Variants in SETD4 observed in about 807,000 individuals in gnomAD.
The protein encoded by SETD4 is SET domain containing 4.
SETD4 carries 46 observed loss-of-function variants against 58.3 expected under a neutral mutation model. The ratio of observed to expected loss-of-function variants is 0.79; its 90% CI spans 0.62 to 1.01. SETD4 has a LOEUF of 1.01. Ranked by LOEUF, SETD4 falls within the 50% of genes least tolerant of loss-of-function variation. The pLI is 0.00. For synonymous variants in SETD4, 190 were observed against 202.6 expected, an observed-to-expected ratio of 0.94 and a Z score of 0.53; for missense variants, 490 against 523.3, an observed-to-expected ratio of 0.94 and a Z score of 0.62.
intron 9 of SETD4, among the ~76,000 whole-genome samples, chr21:36,038,576 C>T (rs1443240422): frequency 6.6e-6 from 1 of 152,118 alleles, no homozygotes; most frequent in Non-Finnish European, 1.5e-5. Flanking sequence ...AATGAAGTCC[C>T]GTTCCCGGCC....
At chr21:36,057,974 G>C (rs1479155604) in intron 2 of SETD4, among the ~76,000 whole-genome samples, 1 of 152,170 alleles carries the variant, frequency 6.6e-6, no homozygotes, top group Admixed American at 6.5e-5. Flanking sequence ...AAGCACTTTT[G>C]TATTGAACAA....
At position 36,043,956 on chromosome 21, in the gene SETD4, C is replaced by T. The variant is rs916562624; in HGVS notation, c.727G>A (p.Val243Ile). Residue 243 changes from valine to isoleucine, a missense_variant and splice_region_variant, in exon 7 of 12, where the codon GTA (valine) becomes ATA (isoleucine). Physicochemically the swap from Val to Ile is conservative, Grantham distance 29 (BLOSUM62 3). Coordinates refer to ENST00000332131, the MANE Select transcript of SETD4 (RefSeq NM_017438.5). ...DLLNHSPHVQ[V>I]KAAFNEETHS... is the part of the protein sequence containing the mutation. ...GTTTCTTCATTAAACGCTGCTTTTA[C>T]CTAGAAAGAAAAACTGTTAAGGTAT... The T allele has an allele frequency of 6.2e-7, 1 of 1,613,496 alleles. No homozygotes were observed. Among genetic ancestry groups the T allele is most frequent in the African/African-American group, 1.3e-5 (1 of 74,972 alleles).
rs375733735 is a variant in SETD4 at position 36,052,592 on chromosome 21, G to GA, written c.207+990dup. Among the ~76,000 whole-genome samples the GA allele has an allele frequency of 4.2e-3, 586 of 139,804 alleles. 23 individuals carry two copies. The East Asian group carries it at 0.1, about 24-fold the overall frequency. The allele number at this position is 139,804 out of a possible 152,430, so 91.7% of individuals were successfully genotyped here. A position where few individuals can be genotyped will look rare whatever the true frequency, so the allele number is the denominator to read the frequency against. On this transcript the variant is annotated intron_variant, in intron 4 of 11. Coordinates refer to ENST00000332131, the MANE Select transcript of SETD4 (RefSeq NM_017438.5). Reference sequence around the variant, plus strand: ...AAAAAAAAAGGACGTTTTATCTACTGAAAAAAAAAAGATACCATTCCTTAG... The same window carrying GA: ...AAAAAAAAAGGACGTTTTATCTACTGAAAAAAAAAAAGATACCATTCCTTAG...
chr21:36,035,465 G>C lies in SETD4; in HGVS notation c.*528C>G, dbSNP rs182958152. 2 of 152,620 alleles carry C rather than the reference G, an allele frequency of 1.3e-5. No individual in the cohort carries two copies. The highest frequency in any genetic ancestry group is 3.9e-4 in the East Asian group (2 of 5,188). 9.5% of individuals were successfully genotyped at this position (152,620 alleles called of 1,614,324 possible). A position where few individuals can be genotyped will look rare whatever the true frequency, so the allele number is the denominator to read the frequency against. ...AATAATTAGACAAGCGCCACCTTGAGAGGCCAGGAGCATGCTTAGAGGACA... is the reference window on the plus strand; with the variant it reads ...AATAATTAGACAAGCGCCACCTTGACAGGCCAGGAGCATGCTTAGAGGACA... On this transcript the variant is annotated 3_prime_UTR_variant, in exon 12 of 12. Transcript: ENST00000332131.
chr21:36,059,724 T>G, intron 1 of SETD4: 1 of 976,794 alleles, frequency 1.0e-6, no homozygotes, highest in Non-Finnish European at 1.2e-6. Context: ...AAAAAATAAA[T>G]CTACTTCTAA....
rs769820020 is a variant in SETD4 at position 36,045,895 on chromosome 21, G to C, written c.413C>G (p.Thr138Ser). The C allele has an allele frequency of 6.2e-7, 1 of 1,614,210 alleles. No individual in the cohort carries two copies. The highest frequency in any genetic ancestry group is 2.2e-5 in the East Asian group (1 of 44,884). ...PYLEILPKAY[T>S]CPVCLEPEVV... ...TTCCGGCTCCAAACAAACAGGGCAG[G>C]TATACGCCTTGGGTAAAATCTCCAG... is the stretch of plus-strand genomic sequence containing the variant. Residue 138 changes from threonine to serine, a missense_variant, in exon 6 of 12, where the codon ACC becomes AGC. Coordinates refer to ENST00000332131, the MANE Select transcript of SETD4 (RefSeq NM_017438.5).
chr21:36,036,201 C>A lies in SETD4; in HGVS notation c.1239G>T (p.Leu413Phe). 6.2e-7 allele frequency: 1 copy of A among 1,613,516 alleles called. No individual in the cohort carries two copies. Among genetic ancestry groups the A allele is most frequent in the Non-Finnish European group, 8.5e-7 (1 of 1,179,872 alleles). Residue 413 changes from leucine (L) to phenylalanine (F), a missense_variant, in exon 11 of 12, where the codon TTG (leucine) becomes TTT (phenylalanine). Transcript: ENST00000332131. ...GCTCTTCCGTCCACAAGGATTCCAC[C>A]AAAGTTAGTTGGTTTATCAGGGCCT... ...EKEALINQLTLVESLWTEELK... is the reference protein window; with the variant it reads ...EKEALINQLTFVESLWTEELK...
At chr21:36,053,316 C>T (rs1379640982) in intron 4 of SETD4, 2 of 521,880 alleles carry the variant, frequency 3.8e-6, no homozygotes, top group Non-Finnish European at 3.4e-6. Flanking sequence ...ATGGGACTGC[C>T]CCACCAGCCA....
chr21:36,043,213 ATTACACC>A, intron 7 of SETD4: 1 of 155,398 alleles, frequency 6.4e-6, no homozygotes, highest in Non-Finnish European at 1.4e-5. Context: ...ACGAGCCAAG[ATTACACC>A]ACTGCACTCC....
Position 36,059,776 on chromosome 21 carries a change from G to A in SETD4, c.-37+571C>T, listed in dbSNP as rs867317156. The stretch of plus-strand genomic sequence containing the variant: ...AATGAGCAAGAGACAAGAACTCCAG[G>A]CAATATTAATACCGCACTTCCGCAG... On this transcript the variant is annotated intron_variant, in intron 1 of 11. Coordinates refer to ENST00000332131, the MANE Select transcript of SETD4 (RefSeq NM_017438.5). The A allele has an allele frequency of 6.7e-5, 66 of 985,388 alleles. No individual in the cohort carries two copies. The Middle Eastern group carries it at 4.2e-3, about 62-fold the overall frequency. 61.0% of individuals were successfully genotyped at this position (985,388 alleles called of 1,614,324 possible).
chr21:36,045,401 G>A (rs1490839304), intron 6 of SETD4, among the ~76,000 whole-genome samples, 181 bp downstream of exon 6: 3 of 152,212 alleles, frequency 2.0e-5, no homozygotes, highest in Non-Finnish European at 4.4e-5. Flanking sequence ...AAGCACTGCG[G>A]GAGGGATAGT....
chr21:36,053,058 C>G (rs573042863), intron 4 of SETD4: 1 of 153,746 alleles, frequency 6.5e-6, no homozygotes, highest in East Asian at 1.9e-4. Flanking sequence ...TAACGGAATC[C>G]TACTTAGAGG....
intron 4 of SETD4, among the ~76,000 whole-genome samples, chr21:36,052,459 G>A (rs1162883027): frequency 6.7e-6 from 1 of 150,306 alleles, no homozygotes; most frequent in Non-Finnish European, 1.5e-5. Context: ...TCAGGAGGCT[G>A]AGGCAAAAGA....
intron 5 of SETD4, among the ~76,000 whole-genome samples, chr21:36,046,328 T>C (rs1361730252): frequency 6.6e-6 from 1 of 152,212 alleles, no homozygotes; most frequent in Non-Finnish European, 1.5e-5. Context: ...TCTCCAGTTG[T>C]AAACCTTTTG....
chr21:36,049,217 G>A (rs533680594), intron 4 of SETD4, among the ~76,000 whole-genome samples: 1 of 152,212 alleles, frequency 6.6e-6, no homozygotes, highest in African/African-American at 2.4e-5. Context: ...GAAGCCAGAT[G>A]TAAGACTCTC....
intron 10 of SETD4, chr21:36,036,693 A>C: frequency 2.2e-6 from 2 of 905,514 alleles, no homozygotes; most frequent in Non-Finnish European, 1.3e-6. Flanking sequence ...AAATAAACAC[A>C]TCAATGAGAA....
chr21:36,055,440 G>A (rs2064941538), intron 3 of SETD4, among the ~76,000 whole-genome samples: 1 of 152,156 alleles, frequency 6.6e-6, no homozygotes, highest in African/African-American at 2.4e-5. Flanking sequence ...CTACATGGGA[G>A]GCCCTGACCT....
intron 3 of SETD4, 38 bp downstream of exon 3, chr21:36,057,071 T>C (rs767562406): frequency 1.3e-6 from 2 of 1,543,070 alleles, no homozygotes; most frequent in South Asian, 2.2e-5. Flanking sequence ...CTGGCTCTCG[T>C]GTGGGAAAGG....
intron 4 of SETD4, chr21:36,051,239 TG>T: frequency 3.7e-6 from 6 of 1,605,504 alleles, no homozygotes; most frequent in Non-Finnish European, 5.1e-6. Flanking sequence ...GCACTGCTGT[TG>T]ACAACATAAG....
Sources: gnomAD v4.1 joint callset for allele counts (sites outside exome capture counted in the v4.1 genomes callset) on GRCh38, gnomAD v4.1.1 for gene constraint, MANE v1.5 for transcripts, NCBI Gene and HGNC (gene_info 2026-07-23, HGNC 2026-07-21) for gene names.